Variants in RMP24 observed in about 807,000 individuals in gnomAD.
The protein encoded by RMP24 is ribonuclease MRP subunit p24.
At chr18:35,975,278 A>G in the RMP24 span, among the ~76,000 whole-genome samples, 12 of 152,272 alleles carry the variant, frequency 7.9e-5, no homozygotes, top group East Asian at 2.3e-3. Context: ...GCTTACTTTT[A>G]TTTTTCATGA....
the RMP24 span, chr18:35,979,054 T>C: frequency 6.7e-7 from 1 of 1,492,250 alleles, no homozygotes; most frequent in South Asian, 1.3e-5. Flanking sequence ...AAACAACTTT[T>C]TAAACTCTTA....
the RMP24 span, chr18:35,975,203 T>C: frequency 1.2e-6 from 1 of 852,806 alleles, no homozygotes; most frequent in East Asian, 2.7e-5. Context: ...TATAGTAGTA[T>C]ATTTGGATTA....
chr18:35,974,580 A>G, the RMP24 span, among the ~76,000 whole-genome samples: 4 of 152,264 alleles, frequency 2.6e-5, no homozygotes, highest in Non-Finnish European at 5.9e-5. Context: ...TTGGTGAAAC[A>G]TAACAGCCTT....
chr18:35,974,856 C>A, the RMP24 span: 3 of 1,553,256 alleles, frequency 1.9e-6, no homozygotes, highest in Non-Finnish European at 2.6e-6. Context: ...ACAAAATATT[C>A]TGATTTGCTG....
chr18:35,974,832 G>C, the RMP24 span: 2 of 1,374,632 alleles, frequency 1.5e-6, no homozygotes, highest in Non-Finnish European at 2.0e-6. Flanking sequence ...TATAAATGTT[G>C]ACAGTTTGAG....
the RMP24 span, chr18:35,977,416 AC>A: frequency 1.0e-5 from 16 of 1,602,520 alleles, no homozygotes; most frequent in Non-Finnish European, 1.4e-5. Context: ...GTAGTTGATC[AC>A]TTGTAAAACA....
the RMP24 span, chr18:35,975,123 G>A: frequency 1.3e-6 from 2 of 1,572,230 alleles, no homozygotes; most frequent in East Asian, 2.2e-5. Context: ...GTATGTATGA[G>A]TAAACTAGAA....
the RMP24 span, chr18:35,975,025 C>T: frequency 1.8e-5 from 29 of 1,613,854 alleles, no homozygotes; most frequent in Admixed American, 1.3e-4. Flanking sequence ...AATCGAGAAG[C>T]GAGAAACTAT....
At chr18:35,974,745 AT>A in the RMP24 span, 1 of 740,732 alleles carries the variant, frequency 1.4e-6, no homozygotes, top group Non-Finnish European at 2.1e-6. Flanking sequence ...ATTACTGCCA[AT>A]TTATCTTTTT....
the RMP24 span, chr18:35,977,666 AAT>A: frequency 6.7e-7 from 1 of 1,499,652 alleles, no homozygotes; most frequent in Non-Finnish European, 9.0e-7. Context: ...TCCTGTGTTT[AAT>A]ATATACTCCC....
the RMP24 span, chr18:35,972,741 C>A: frequency 6.2e-7 from 1 of 1,612,180 alleles, no homozygotes. Flanking sequence ...GAGACAGAAG[C>A]ACTACCTTGA....
At chr18:35,973,147 G>A in the RMP24 span, 7 of 603,860 alleles carry the variant, frequency 1.2e-5, no homozygotes, top group African/African-American at 5.6e-5. Context: ...TGGCTTCTAG[G>A]TCATTACGTA....
the RMP24 span, chr18:35,977,334 A>G: frequency 4.4e-6 from 6 of 1,372,754 alleles, no homozygotes; most frequent in Admixed American, 1.4e-4. Flanking sequence ...ACATTTAAGA[A>G]TTCAATGAAC....
At chr18:35,978,044 G>A in the RMP24 span, among the ~76,000 whole-genome samples, 4 of 152,122 alleles carry the variant, frequency 2.6e-5, no homozygotes, top group African/African-American at 9.7e-5. Context: ...CTACTTCCCT[G>A]TTTTCATCTT....
chr18:35,977,464 A>C, the RMP24 span: 1 of 1,614,132 alleles, frequency 6.2e-7, no homozygotes, highest in South Asian at 1.1e-5. Context: ...TAAAAGTAGA[A>C]GCTTTGTGTC....
the RMP24 span, chr18:35,979,006 A>C: frequency 4.5e-6 from 7 of 1,571,830 alleles, no homozygotes; most frequent in Non-Finnish European, 6.0e-6. Flanking sequence ...TTTTAAAATA[A>C]GAAATGCCTG....
At chr18:35,974,522 C>G in the RMP24 span, among the ~76,000 whole-genome samples, 13 of 152,276 alleles carry the variant, frequency 8.5e-5, no homozygotes, top group Admixed American at 7.8e-4. Flanking sequence ...AAAAAAGAAA[C>G]AAAATCGCAG....
chr18:35,978,420 G>C, the RMP24 span, among the ~76,000 whole-genome samples: 1 of 152,186 alleles, frequency 6.6e-6, no homozygotes, highest in African/African-American at 2.4e-5. Flanking sequence ...AGACCAGCCT[G>C]TGCAACACGG....
At chr18:35,974,791 A>G in the RMP24 span, 1 of 1,039,378 alleles carries the variant, frequency 9.6e-7, no homozygotes, top group Non-Finnish European at 1.4e-6. Context: ...CTTAATGTGT[A>G]TCTGCTTATA....
Sources: gnomAD v4.1 joint callset for allele counts (sites outside exome capture counted in the v4.1 genomes callset) on GRCh38, gnomAD v4.1.1 for gene constraint, MANE v1.5 for transcripts, NCBI Gene and HGNC (gene_info 2026-07-23, HGNC 2026-07-21) for gene names.